MFHAS1: variants seen among roughly 807,000 people sequenced by gnomAD.
MFHAS1 encodes multifunctional ROCO family signaling regulator 1, also known as malignant fibrous histiocytoma-amplified sequence 1.
MFHAS1 carries 50 observed loss-of-function variants against 70.4 expected under a neutral mutation model. The ratio of observed to expected loss-of-function variants is 0.71; its 90% CI spans 0.57 to 0.90. MFHAS1 has a LOEUF of 0.90. Ranked by LOEUF, MFHAS1 falls within the 40% of genes least tolerant of loss-of-function variation. MFHAS1 has a pLI of 0.00. For synonymous variants in MFHAS1, 952 were observed against 620.0 expected, an observed-to-expected ratio of 1.54 and a Z score of -7.96; for missense variants, 1,795 against 1,347.6, an observed-to-expected ratio of 1.33 and a Z score of -5.20.
intron 1 of MFHAS1, among the ~76,000 whole-genome samples, chr8:8,877,298 C>T (rs1244797474): frequency 5.3e-4 from 5 of 9,484 alleles, no homozygotes; most frequent in African/African-American, 6.0e-4. Flanking sequence ...TGAGACCCTG[C>T]CTCAAAAAAA....
chr8:8,789,699 C>T (rs959289213), intron 2 of MFHAS1, among the ~76,000 whole-genome samples: 10 of 152,144 alleles, frequency 6.6e-5, no homozygotes, highest in Non-Finnish European at 1.2e-4. Context: ...TTAGCCAATT[C>T]CTAGAGATGG....
At chr8:8,869,823 C>T (rs1809003963) in intron 1 of MFHAS1, among the ~76,000 whole-genome samples, 1 of 152,128 alleles carries the variant, frequency 6.6e-6, no homozygotes, top group African/African-American at 2.4e-5. Flanking sequence ...GAGCTCAGAG[C>T]TAGGAGGAGA....
At chr8:8,839,381 G>A (rs1240511031) in intron 1 of MFHAS1, among the ~76,000 whole-genome samples, 1 of 152,166 alleles carries the variant, frequency 6.6e-6, no homozygotes, top group Non-Finnish European at 1.5e-5. Context: ...ACTGTAAAGT[G>A]TTATATATTT....
At chr8:8,790,675 C>G (rs987327838) in intron 2 of MFHAS1, among the ~76,000 whole-genome samples, 1 of 152,164 alleles carries the variant, frequency 6.6e-6, no homozygotes, top group African/African-American at 2.4e-5. Flanking sequence ...ATTCTGTGGT[C>G]AGTGAAAAAT....
intron 1 of MFHAS1, among the ~76,000 whole-genome samples, chr8:8,820,652 A>G (rs372867252): frequency 1.3e-5 from 2 of 152,098 alleles, no homozygotes; most frequent in African/African-American, 2.4e-5. Context: ...CTACACGTCC[A>G]TGTTCCCATC....
intron 2 of MFHAS1, among the ~76,000 whole-genome samples, chr8:8,789,516 T>C (rs1287518131): frequency 6.6e-6 from 1 of 152,136 alleles, no homozygotes; most frequent in Admixed American, 6.5e-5. Flanking sequence ...GGTTAGGGAA[T>C]TGAAATCTGC....
At chr8:8,860,269 C>G (rs1808612735) in intron 1 of MFHAS1, among the ~76,000 whole-genome samples, 1 of 152,126 alleles carries the variant, frequency 6.6e-6, no homozygotes, top group South Asian at 2.1e-4. Flanking sequence ...GGCAGATGCC[C>G]AAAGATAACA....
At chr8:8,851,142 T>C (rs551874554) in intron 1 of MFHAS1, among the ~76,000 whole-genome samples, 1 of 152,326 alleles carries the variant, frequency 6.6e-6, no homozygotes, top group Admixed American at 6.5e-5. Context: ...AATACATTTT[T>C]CTCTTTTTCC....
intron 1 of MFHAS1, among the ~76,000 whole-genome samples, chr8:8,881,415 C>T (rs1172621282): frequency 6.6e-6 from 1 of 152,216 alleles, no homozygotes; most frequent in Non-Finnish European, 1.5e-5. Context: ...CCATGACCTT[C>T]CAGGAACTCA....
rs974165399 is a variant in MFHAS1, at chr8:8,822,073, T to G, written c.2999-24582A>C. On this transcript the variant is annotated intron_variant, in intron 1 of 2. Transcript: ENST00000276282. The stretch of plus-strand genomic sequence containing the variant: ...ATACGCAAGTGTGTAGCATGAGGCC[T>G]TGAGACCCTGGCCACACACAAGACG... The G allele has an allele frequency of 2.0e-5, 3 of 152,318 alleles. No homozygotes were observed. The South Asian group carries it at 6.2e-4, about 31-fold the overall frequency. 9.4% of individuals were successfully genotyped at this position (152,318 alleles called of 1,614,324 possible).
In MFHAS1 at chr8:8,890,118, G is replaced by T. The variant is rs770639597; in HGVS notation, c.2941C>A (p.His981Asn). The T allele has an allele frequency of 6.2e-7, 1 of 1,613,892 alleles. No homozygotes were observed. The highest frequency in any genetic ancestry group is 1.7e-5 in the Admixed American group (1 of 59,976). Residue 981 changes from histidine to asparagine, a missense_variant, in exon 1 of 3, where the codon CAC (histidine) becomes AAC (asparagine). Coordinates refer to ENST00000276282, the MANE Select transcript of MFHAS1 (RefSeq NM_004225.3). The stretch of plus-strand genomic sequence containing the variant: ...TTAAGGCACTTAGAACAGAGAATGT[G>T]CACGGTGTAGTGCAGTCCAGGCCAT... Reference protein sequence around the residue: ...QEWPGLHYTVHILCSKCLKRG... With the variant: ...QEWPGLHYTVNILCSKCLKRG...
intron 1 of MFHAS1, among the ~76,000 whole-genome samples, chr8:8,832,378 C>A (rs980730236): frequency 2.0e-5 from 3 of 147,574 alleles, no homozygotes; most frequent in Non-Finnish European, 3.0e-5. Context: ...AATGATAAGA[C>A]GACAAGCAAC....
chr8:8,817,417 C>G (rs770770154), intron 1 of MFHAS1, among the ~76,000 whole-genome samples: 1 of 152,260 alleles, frequency 6.6e-6, no homozygotes, highest in African/African-American at 2.4e-5. Flanking sequence ...CCTACACATA[C>G]TTGACTTTCA....
At chr8:8,812,365 C>G (rs148241947) in intron 1 of MFHAS1, among the ~76,000 whole-genome samples, 7 of 152,142 alleles carry the variant, frequency 4.6e-5, no homozygotes, top group African/African-American at 1.7e-4. Flanking sequence ...CTGGTCAGTA[C>G]GCTGCTGGGT....
At chr8:8,835,160 G>T (rs908860595) in intron 1 of MFHAS1, among the ~76,000 whole-genome samples, 1 of 145,004 alleles carries the variant, frequency 6.9e-6, no homozygotes, top group African/African-American at 2.5e-5. Flanking sequence ...AGCATTAGGG[G>T]AGTGAGGGTA....
chr8:8,796,319 T>C (rs1243647061), intron 2 of MFHAS1, among the ~76,000 whole-genome samples: 3 of 152,214 alleles, frequency 2.0e-5, no homozygotes, highest in African/African-American at 7.2e-5. Context: ...ACTGACTTTC[T>C]GCAGGCTTTG....
intron 1 of MFHAS1, among the ~76,000 whole-genome samples, chr8:8,856,123 A>G (rs1808429146): frequency 6.6e-6 from 1 of 152,202 alleles, no homozygotes; most frequent in Non-Finnish European, 1.5e-5. Context: ...GGGATTCCCC[A>G]TGAACTCCTC....
At chr8:8,876,738 G>C (rs977558863) in intron 1 of MFHAS1, among the ~76,000 whole-genome samples, 1 of 151,990 alleles carries the variant, frequency 6.6e-6, no homozygotes, top group South Asian at 2.1e-4. Flanking sequence ...CATATGAACA[G>C]AGATCATACT....
chr8:8,874,415 G>C (rs375731007), intron 1 of MFHAS1, among the ~76,000 whole-genome samples: 2 of 151,608 alleles, frequency 1.3e-5, no homozygotes, highest in Non-Finnish European at 2.9e-5. Flanking sequence ...TTCATATGGA[G>C]GCATCTCAAA....
Sources: allele counts gnomAD v4.1 joint callset (sites outside exome capture counted in the v4.1 genomes callset), GRCh38; gene constraint gnomAD v4.1.1; transcripts MANE v1.5; gene names NCBI Gene and HGNC (gene_info 2026-07-23, HGNC 2026-07-21).